The following ANK3 variants were observed in gnomAD, a reference collection of about 807,000 sequenced individuals.
ANK3 encodes ankyrin-3.
ANK3 carries 57 observed loss-of-function variants against 370.9 expected under a neutral mutation model. The ratio of observed to expected loss-of-function variants is 0.15; its 90% CI spans 0.12 to 0.19. The LOEUF (loss-of-function observed/expected upper bound fraction) is 0.19. Ranked by LOEUF, ANK3 falls within the 10% of genes least tolerant of loss-of-function variation. The probability of loss-of-function intolerance (pLI) is 1.00; values close to 1 mark genes in which losing one functional copy is unlikely to be tolerated. For missense variants in ANK3, 4,439 were observed against 5,302.1 expected, an observed-to-expected ratio of 0.84 and a Z score of 5.06; for synonymous variants, 1,929 against 1,946.3, an observed-to-expected ratio of 0.99 and a Z score of 0.23.
chr10:60,272,629 G>A (rs1397511572), intron 4 of ANK3, among the ~76,000 whole-genome samples: 1 of 152,042 alleles, frequency 6.6e-6, no homozygotes, highest in Non-Finnish European at 1.5e-5. Flanking sequence ...ACAGGCATGT[G>A]CCACCTCGCC....
intron 36 of ANK3, among the ~76,000 whole-genome samples, chr10:60,078,129 TG>T (rs1200646706): frequency 6.6e-6 from 1 of 152,178 alleles, no homozygotes; most frequent in Admixed American, 6.5e-5. Context: ...AAAGAGAAAA[TG>T]AGAATCTGCT....
At chr10:60,685,536 G>A (rs1001804712) in intron 1 of ANK3, among the ~76,000 whole-genome samples, 1 of 152,202 alleles carries the variant, frequency 6.6e-6, no homozygotes, top group Non-Finnish European at 1.5e-5. Context: ...ATTAGCCTTT[G>A]CTGAAGATTT....
rs115843773 is a variant in ANK3 at position 60,337,254 on chromosome 10, A to T, written c.114+52171T>A. Among the ~76,000 whole-genome samples, 738 of 152,152 alleles carry T rather than the reference A, an allele frequency of 4.9e-3. 6 individuals are homozygous for T. Among genetic ancestry groups the T allele is most frequent in the African/African-American group, 0.017 (711 of 41,536 alleles). On this transcript the variant is annotated intron_variant, in intron 1 of 43. Transcript: ENST00000280772. Reference sequence around the variant, plus strand: ...AAAATACTAGTTCCCCAGCCCCATGATTTTATCCTCTCCTCTTCCACTGCT... The same window carrying T: ...AAAATACTAGTTCCCCAGCCCCATGTTTTTATCCTCTCCTCTTCCACTGCT...
At chr10:60,125,295 C>T (rs1330482716) in intron 25 of ANK3, among the ~76,000 whole-genome samples, 1 of 152,032 alleles carries the variant, frequency 6.6e-6, no homozygotes, top group South Asian at 2.1e-4. Flanking sequence ...GTTATGAACT[C>T]GAACAAAAGA....
In ANK3 at chr10:60,220,824, T is replaced by C. The variant is rs1416940474; in HGVS notation, c.898-7314A>G. On this transcript the variant is annotated intron_variant, in intron 8 of 43. Transcript: ENST00000280772. ...CATCACGGGCCACCAGTCACTGATA[T>C]TTGGCTCAGAATAAATCTATTCAAA... Among the ~76,000 whole-genome samples, 3 of 152,190 alleles carry C rather than the reference T, an allele frequency of 2.0e-5. No individual in the cohort carries two copies. The South Asian group carries it at 6.2e-4, about 32-fold the overall frequency.
intron 2 of ANK3, among the ~76,000 whole-genome samples, chr10:60,597,440 T>C (rs2078003023): frequency 6.6e-6 from 1 of 152,202 alleles, no homozygotes; most frequent in African/African-American, 2.4e-5. Flanking sequence ...TATCTACCTA[T>C]ACTACTGTAT....
intron 40 of ANK3, chr10:60,059,919 C>T: frequency 6.2e-7 from 1 of 1,614,082 alleles, no homozygotes; most frequent in East Asian, 2.2e-5. Flanking sequence ...AGAGATATCA[C>T]TAAAATAATC....
At chr10:60,390,602 G>A (rs1001613961), upstream of ANK3, among the ~76,000 whole-genome samples, 3 of 151,926 alleles carry the variant, frequency 2.0e-5, no homozygotes, top group Non-Finnish European at 4.4e-5. Flanking sequence ...TGCACACACC[G>A]GAAGAAATCT....
intron 2 of ANK3, among the ~76,000 whole-genome samples, chr10:60,400,508 C>T (rs1283393838): frequency 6.6e-6 from 1 of 152,014 alleles, no homozygotes; most frequent in East Asian, 1.9e-4. Context: ...TTCATGATAG[C>T]ATATTCTATC....
At chr10:60,605,908 T>A (rs2078122770) in intron 2 of ANK3, among the ~76,000 whole-genome samples, 1 of 152,222 alleles carries the variant, frequency 6.6e-6, no homozygotes, top group Admixed American at 6.5e-5. Context: ...TATGACTTCA[T>A]GCAAAAGTTC....
intron 42 of ANK3, among the ~76,000 whole-genome samples, chr10:60,054,055 A>G (rs2078637832): frequency 6.6e-6 from 1 of 152,232 alleles, no homozygotes; most frequent in South Asian, 2.1e-4. Context: ...GTTTAAAACT[A>G]AATTTTCAAC....
At chr10:60,277,660 C>T (rs1236620365) in intron 4 of ANK3, among the ~76,000 whole-genome samples, 1 of 151,772 alleles carries the variant, frequency 6.6e-6, no homozygotes, top group African/African-American at 2.4e-5. Context: ...TTTTCACATG[C>T]TTCCTAGCCT....
rs2072452992 is a variant in ANK3, at chr10:60,027,304, T to TG, written c.*2541_*2542insC. ...TGGGAAAGTTTTTTTTTTTTTTTTT[T>TG]TTTAAAAAAAAAACCTCTCAAGGGT... On this transcript the variant is annotated 3_prime_UTR_variant, in exon 44 of 44. Transcript: ENST00000280772. The TG allele has an allele frequency of 6.7e-6, 1 of 149,578 alleles. No individual in the cohort carries two copies. Among genetic ancestry groups the TG allele is most frequent in the African/African-American group, 2.5e-5 (1 of 40,540 alleles). The allele number at this position is 149,578 out of a possible 1,614,324, so 9.3% of individuals were successfully genotyped here. A position where few individuals can be genotyped will look rare whatever the true frequency, so the allele number is the denominator to read the frequency against.
chr10:60,161,292 A>C (rs566088812), intron 23 of ANK3, among the ~76,000 whole-genome samples: 24 of 152,286 alleles, frequency 1.6e-4, no homozygotes, highest in African/African-American at 5.5e-4. Context: ...TAGAAATGTA[A>C]ATTAGTACAG....
intron 1 of ANK3, among the ~76,000 whole-genome samples, chr10:60,700,240 A>T (rs2079528302): frequency 6.6e-6 from 1 of 152,232 alleles, no homozygotes; most frequent in Non-Finnish European, 1.5e-5. Flanking sequence ...ATTCCAATAC[A>T]GATAAATACA....
At chr10:60,679,313 A>G (rs1442153570) in intron 1 of ANK3, among the ~76,000 whole-genome samples, 1 of 152,182 alleles carries the variant, frequency 6.6e-6, no homozygotes, top group African/African-American at 2.4e-5. Context: ...CAGGAATGTC[A>G]GGCAACCATC....
intron 42 of ANK3, chr10:60,051,630 T>A: frequency 3.7e-6 from 2 of 539,166 alleles, no homozygotes; most frequent in Non-Finnish European, 4.7e-6. Context: ...AGAAGGGAAA[T>A]CAAGAAAGAA....
intron 18 of ANK3, among the ~76,000 whole-genome samples, chr10:60,179,425 TGG>T (rs2132337347): frequency 6.6e-6 from 1 of 152,326 alleles, no homozygotes; most frequent in Non-Finnish European, 1.5e-5. Context: ...CCGGGAACGG[TGG>T]CTCATGCCTG....
Position 60,279,276 on chromosome 10 carries a change from C to A in ANK3, c.217-128G>T, listed in dbSNP as rs2098130424. The A allele has an allele frequency of 5.1e-6, 4 of 785,856 alleles. No individual in the cohort carries two copies. The African/African-American group carries it at 5.2e-5, about 10-fold the overall frequency. 48.7% of individuals were successfully genotyped at this position (785,856 alleles called of 1,614,324 possible). A position where few individuals can be genotyped will look rare whatever the true frequency, so the allele number is the denominator to read the frequency against. On this transcript the variant is annotated intron_variant, in intron 2 of 43. Coordinates refer to ENST00000280772, the MANE Select transcript of ANK3 (RefSeq NM_020987.5). The stretch of plus-strand genomic sequence containing the variant: ...CACTTGCATGTATGCTGTGCAGGAA[C>A]TTGAATCTTGAATTAGGAATCAAAG...
Sources: gnomAD v4.1 joint callset for allele counts (sites outside exome capture counted in the v4.1 genomes callset) on GRCh38, gnomAD v4.1.1 for gene constraint, MANE v1.5 for transcripts, NCBI Gene and HGNC (gene_info 2026-07-23, HGNC 2026-07-21) for gene names.